STAG1: variants seen among roughly 807,000 people sequenced by gnomAD.
STAG1 encodes the protein STAG1 cohesin complex component, also known as cohesin subunit SA-1.
A neutral mutation model predicts 170.9 loss-of-function variants in STAG1; 26 were observed. The observed-to-expected ratio is 0.15, with a 90% CI of 0.11 to 0.21. The LOEUF (loss-of-function observed/expected upper bound fraction) is 0.21. Ranked by LOEUF, STAG1 falls within the 10% of genes least tolerant of loss-of-function variation. The pLI, the probability that STAG1 is intolerant of heterozygous loss-of-function variation, is 1.00. For missense variants in STAG1, 964 were observed against 1,509.5 expected (o/e 0.64, Z 5.99); for synonymous variants, 514 against 497.7 (o/e 1.03, Z -0.44).
At position 136,443,418 on chromosome 3, in the gene STAG1, A is replaced by T; in HGVS notation, c.1429-14T>A. 6.5e-7 allele frequency: 1 copy of T among 1,547,090 alleles called. No individual in the cohort carries two copies. The highest frequency in any genetic ancestry group is 1.2e-5 in the South Asian group (1 of 86,386). ...ATGTTCATGTAACTAAAAAGAAAAA[A>T]TCAAGTGTGACCAAAGAATATTTAA... On this transcript the variant is annotated splice_polypyrimidine_tract_variant and intron_variant, in intron 14 of 33. Coordinates refer to ENST00000383202, the MANE Select transcript of STAG1 (RefSeq NM_005862.3).
chr3:136,340,236 C>G (rs1166605750), intron 32 of STAG1, among the ~76,000 whole-genome samples: 2 of 152,174 alleles, frequency 1.3e-5, no homozygotes. Context: ...CTCACTACAA[C>G]CTCAGCCTCC....
chr3:136,544,245 T>G (rs1183298484), intron 5 of STAG1, among the ~76,000 whole-genome samples: 2 of 152,166 alleles, frequency 1.3e-5, no homozygotes, highest in African/African-American at 4.8e-5. Flanking sequence ...CTCATATATA[T>G]GAACCACACA....
intron 1 of STAG1, among the ~76,000 whole-genome samples, chr3:136,689,990 A>G (rs1342434409): frequency 6.7e-6 from 1 of 150,158 alleles, no homozygotes; most frequent in Non-Finnish European, 1.5e-5. Flanking sequence ...CAGTGAGCCA[A>G]GATAGCACCA....
chr3:136,658,342 T>C (rs1941463323), intron 1 of STAG1, among the ~76,000 whole-genome samples: 1 of 152,166 alleles, frequency 6.6e-6, no homozygotes, highest in Non-Finnish European at 1.5e-5. Context: ...GGTAGGTCTA[T>C]TAAGAAAAGT....
chr3:136,431,145 CCA>C (rs1427144039), intron 16 of STAG1, among the ~76,000 whole-genome samples: 3 of 152,018 alleles, frequency 2.0e-5, no homozygotes, highest in Non-Finnish European at 4.4e-5. Flanking sequence ...CTTAGGTAAT[CCA>C]CCTGCCTTGG....
At chr3:136,668,855 C>T (rs773021262) in intron 1 of STAG1, among the ~76,000 whole-genome samples, 2 of 152,082 alleles carry the variant, frequency 1.3e-5, no homozygotes, top group Non-Finnish European at 2.9e-5. Flanking sequence ...CAAGGGAGAT[C>T]GAAGCAAAAC....
At chr3:136,523,084 A>G (rs1934775448) in intron 6 of STAG1, among the ~76,000 whole-genome samples, 1 of 152,206 alleles carries the variant, frequency 6.6e-6, no homozygotes, top group African/African-American at 2.4e-5. Context: ...ATAGATACCC[A>G]GTAAGGGGAT....
At chr3:136,731,600 G>A (rs1934045120) in intron 1 of STAG1, among the ~76,000 whole-genome samples, 1 of 152,194 alleles carries the variant, frequency 6.6e-6, no homozygotes, top group South Asian at 2.1e-4. Flanking sequence ...TTCCGAAGAA[G>A]GTACTACCTA....
At chr3:136,562,405 C>A (rs983213537) in intron 5 of STAG1, among the ~76,000 whole-genome samples, 2 of 151,470 alleles carry the variant, frequency 1.3e-5, no homozygotes, top group East Asian at 3.9e-4. Context: ...GGATTACGGG[C>A]ACCCACCACC....
At chr3:136,553,862 A>G (rs1421132891) in intron 5 of STAG1, among the ~76,000 whole-genome samples, 4 of 152,210 alleles carry the variant, frequency 2.6e-5, no homozygotes, top group South Asian at 2.1e-4. Context: ...GAAAAAGAAA[A>G]CATAGAACAG....
chr3:136,511,244 AT>A (rs2107885134), intron 7 of STAG1, among the ~76,000 whole-genome samples: 1 of 152,332 alleles, frequency 6.6e-6, no homozygotes, highest in Admixed American at 6.5e-5. Context: ...TCTTGCCTTT[AT>A]GAATTACCCA....
intron 1 of STAG1, among the ~76,000 whole-genome samples, chr3:136,714,556 G>A (rs1258266835): frequency 6.0e-5 from 9 of 151,216 alleles, no homozygotes; most frequent in African/African-American, 1.7e-4. Flanking sequence ...ATGAAACCCC[G>A]TCTCTACTAA....
At chr3:136,742,496 T>C (rs1352136821) in intron 1 of STAG1, among the ~76,000 whole-genome samples, 1 of 152,154 alleles carries the variant, frequency 6.6e-6, no homozygotes, top group Non-Finnish European at 1.5e-5. Context: ...GGCGGATCCT[T>C]GAAGTCAGGA....
At chr3:136,672,985 C>T (rs1942023428) in intron 1 of STAG1, among the ~76,000 whole-genome samples, 1 of 152,176 alleles carries the variant, frequency 6.6e-6, no homozygotes, top group Non-Finnish European at 1.5e-5. Flanking sequence ...GTTATCTACT[C>T]TTATACTGAA....
intron 1 of STAG1, among the ~76,000 whole-genome samples, chr3:136,677,130 T>C (rs1209229260): frequency 6.6e-6 from 1 of 152,184 alleles, no homozygotes; most frequent in Non-Finnish European, 1.5e-5. Flanking sequence ...AAAATAACAA[T>C]TGGAAGTATA....
intron 16 of STAG1, among the ~76,000 whole-genome samples, chr3:136,424,994 C>G (rs1006984684): frequency 6.6e-6 from 1 of 152,106 alleles, no homozygotes; most frequent in African/African-American, 2.4e-5. Flanking sequence ...CACGCACCAC[C>G]ACACCTAGCT....
chr3:136,596,833 G>C (rs1163240208), intron 4 of STAG1, among the ~76,000 whole-genome samples: 1 of 152,184 alleles, frequency 6.6e-6, no homozygotes, highest in African/African-American at 2.4e-5. Context: ...AGCACCTTGG[G>C]AGGCCAAGGC....
Position 136,377,728 on chromosome 3 carries a change from T to G in STAG1, c.2302A>C (p.Thr768Pro). The change falls in exon 23 of 34, where the codon ACG becomes CCG. Residue 768 changes from threonine (T) to proline (P), a missense_variant. By Grantham distance (38) the Thr-to-Pro change is conservative. Around this residue, in one of 11 missense-constraint regions of STAG1, gnomAD observed 232 missense variants for 313.0 expected, o/e 0.74. Transcript: ENST00000383202. ...CAAACAGCCAAAAAGGATTTCACCGTTTTCCTCAATACCAACAAATCCTCC... is the reference window on the plus strand; with the variant it reads ...CAAACAGCCAAAAAGGATTTCACCGGTTTCCTCAATACCAACAAATCCTCC... ...SKEDLLVLRK[T>P]VKSFLAVCQQ... 6.2e-7 allele frequency: 1 copy of G among 1,613,978 alleles called. No homozygotes were observed. Among genetic ancestry groups the G allele is most frequent in the East Asian group, 2.2e-5 (1 of 44,846 alleles).
At chr3:136,527,915 C>T (rs1429161396) in intron 6 of STAG1, among the ~76,000 whole-genome samples, 3 of 152,148 alleles carry the variant, frequency 2.0e-5, no homozygotes, top group Non-Finnish European at 1.5e-5. Flanking sequence ...TGCTGAACAG[C>T]AAATGTTGCC....
Sources: allele counts gnomAD v4.1 joint callset (sites outside exome capture counted in the v4.1 genomes callset), GRCh38; gene constraint gnomAD v4.1.1; regional missense constraint gnomAD v4.1.1; transcripts MANE v1.5; gene names NCBI Gene and HGNC (gene_info 2026-07-23, HGNC 2026-07-21).